Variants in PLAC9 observed in about 807,000 individuals in gnomAD.
PLAC9 encodes placenta associated 9, also known as placenta-specific protein 9.
A neutral mutation model predicts 11.5 loss-of-function variants in PLAC9; 12 were observed. That is an observed-to-expected ratio of 1.05 (90% CI 0.67 to 1.69). The LOEUF (loss-of-function observed/expected upper bound fraction) is 1.69, where lower values mean the gene tolerates loss of function less well. Among genes scored for constraint, PLAC9 ranks in the 40% most tolerant of loss-of-function variants. The probability of loss-of-function intolerance (pLI) is 0.00; values close to 1 mark genes in which losing one functional copy is unlikely to be tolerated. For missense variants in PLAC9, 132 were observed against 130.5 expected (o/e 1.01, Z -0.06); for synonymous variants, 62 against 58.1 (o/e 1.07, Z -0.31).
intron 1 of PLAC9, among the ~76,000 whole-genome samples, chr10:80,140,463 C>T (rs1392691366): frequency 2.0e-5 from 3 of 152,194 alleles, no homozygotes; most frequent in African/African-American, 7.2e-5. Context: ...CTCTCCGCTG[C>T]TTTCGGCCCT....
At chr10:80,137,274 G>A (rs532582870) in intron 1 of PLAC9, among the ~76,000 whole-genome samples, 6 of 152,196 alleles carry the variant, frequency 3.9e-5, no homozygotes, top group African/African-American at 7.2e-5. Context: ...TCACAGACAC[G>A]TAGAGAACAG....
At chr10:80,135,897 G>A (rs866190405) in intron 1 of PLAC9, among the ~76,000 whole-genome samples, 1 of 152,076 alleles carries the variant, frequency 6.6e-6, no homozygotes, top group Admixed American at 6.6e-5. Context: ...CCCCCAAGTG[G>A]CCAGGGTTGC....
chr10:80,135,984 TCAACCC>T (rs1844971047), intron 1 of PLAC9, among the ~76,000 whole-genome samples: 1 of 152,204 alleles, frequency 6.6e-6, no homozygotes, highest in Admixed American at 6.5e-5. Context: ...AAAACATTTC[TCAACCC>T]CCAGCATGCA....
upstream of PLAC9, among the ~76,000 whole-genome samples, chr10:80,132,324 A>G (rs890317517): frequency 1.3e-5 from 2 of 152,218 alleles, no homozygotes; most frequent in African/African-American, 4.8e-5. Flanking sequence ...ACAGGGGTTC[A>G]GATCCTGTGC....
chr10:80,141,098 G>T (rs769782878), intron 1 of PLAC9, among the ~76,000 whole-genome samples: 1 of 152,056 alleles, frequency 6.6e-6, no homozygotes, highest in African/African-American at 2.4e-5. Flanking sequence ...TGTTACTAAC[G>T]GGTTCCCAGT....
chr10:80,135,493 T>C (rs1844965381), intron 1 of PLAC9, among the ~76,000 whole-genome samples: 2 of 151,844 alleles, frequency 1.3e-5, no homozygotes, highest in Non-Finnish European at 2.9e-5. Context: ...ACCCAGCTAA[T>C]TTTTGCATTT....
chr10:80,136,802 C>T (rs955477835), intron 1 of PLAC9, among the ~76,000 whole-genome samples: 2 of 152,104 alleles, frequency 1.3e-5, no homozygotes, highest in Admixed American at 6.6e-5. Flanking sequence ...TGTGAACCAC[C>T]GAGCCCAGCT....
intron 3 of PLAC9, 144 bp from the exon 4 acceptor site, chr10:80,144,756 C>A: frequency 1.2e-6 from 1 of 849,942 alleles, no homozygotes; most frequent in Non-Finnish European, 1.8e-6. Context: ...TGGGGTTGCA[C>A]TCTGCTCTCT....
At chr10:80,133,478 C>T (rs1188987374) in intron 1 of PLAC9, among the ~76,000 whole-genome samples, 1 of 152,194 alleles carries the variant, frequency 6.6e-6, no homozygotes, top group African/African-American at 2.4e-5. Context: ...CAGTCGGGCC[C>T]AGGAGAAAGG....
In PLAC9 at chr10:80,143,050, A is replaced by AC; in HGVS notation, c.162+871_162+872insC. Among the ~76,000 whole-genome samples, 5 of 150,020 alleles carry AC rather than the reference A, an allele frequency of 3.3e-5. 1 individual carries two copies. The Middle Eastern group carries it at 0.017, about 514-fold the overall frequency. ...TACATATATTACATCAAAAATTTAA[A>AC]TTTTTTTTTGACAGAGTCTTGCCCT... On this transcript the variant is annotated intron_variant, in intron 2 of 3. Coordinates refer to ENST00000372263, the MANE Select transcript of PLAC9 (RefSeq NM_001012973.3).
intron 1 of PLAC9, among the ~76,000 whole-genome samples, chr10:80,135,325 T>C (rs984330823): frequency 8.1e-5 from 9 of 111,796 alleles, no homozygotes; most frequent in Admixed American, 2.3e-4. Context: ...CCCGGCCTTT[T>C]TTTTTTTTTT....
At position 80,144,208 on chromosome 10, in the gene PLAC9, C is replaced by T. The variant is rs1845073203; in HGVS notation, c.163-15C>T. The T allele has an allele frequency of 6.2e-7, 1 of 1,614,126 alleles. No homozygotes were observed. Among genetic ancestry groups the T allele is most frequent in the Non-Finnish European group, 8.5e-7 (1 of 1,180,010 alleles). On this transcript the variant is annotated splice_polypyrimidine_tract_variant and intron_variant, in intron 2 of 3. Transcript: ENST00000372263. ...ACCACTTCTGTCCTCGACTTTACCC[C>T]ACTTCCCACTCTAGATGGTAGAGAA...
chr10:80,136,337 A>G (rs1441601246), intron 1 of PLAC9, among the ~76,000 whole-genome samples: 4 of 152,130 alleles, frequency 2.6e-5, no homozygotes, highest in African/African-American at 9.7e-5. Flanking sequence ...GGAGGAAAGG[A>G]AGGAAGGGAG....
chr10:80,137,208 A>G (rs1310478547), intron 1 of PLAC9, among the ~76,000 whole-genome samples: 1 of 152,286 alleles, frequency 6.6e-6, no homozygotes, highest in South Asian at 2.1e-4. Flanking sequence ...CCATGTTGGG[A>G]GCGACCTCAG....
chr10:80,138,027 C>A (rs953191615), intron 1 of PLAC9, among the ~76,000 whole-genome samples: 1 of 151,960 alleles, frequency 6.6e-6, no homozygotes, highest in East Asian at 1.9e-4. Context: ...CCCCCAGGGG[C>A]CTCTCTCTCT....
At chr10:80,142,427 G>A (rs1845051274) in intron 2 of PLAC9, among the ~76,000 whole-genome samples, 1 of 152,104 alleles carries the variant, frequency 6.6e-6, no homozygotes, top group African/African-American at 2.4e-5. Flanking sequence ...ATGGGAAGGT[G>A]GAAATTCAGT....
intron 1 of PLAC9, among the ~76,000 whole-genome samples, chr10:80,134,979 AGCACGTCC>A (rs563587751): frequency 1.4e-3 from 205 of 151,814 alleles, no homozygotes; most frequent in African/African-American, 4.6e-3. Flanking sequence ...AGCTATCTCT[AGCACGTCC>A]AACTTCCAAC....
intron 1 of PLAC9, among the ~76,000 whole-genome samples, chr10:80,140,242 A>T (rs1372824695): frequency 6.6e-6 from 1 of 152,030 alleles, no homozygotes; most frequent in Non-Finnish European, 1.5e-5. Context: ...GACAACCATA[A>T]ATACTCCTCT....
chr10:80,132,632 G>A (rs1204371237), upstream of PLAC9: 3 of 696,414 alleles, frequency 4.3e-6, no homozygotes, highest in Non-Finnish European at 4.3e-6. Context: ...GGGTTCTCTC[G>A]AGCCAGAAAG....
Sources: gnomAD v4.1 joint callset for allele counts (sites outside exome capture counted in the v4.1 genomes callset) on GRCh38, gnomAD v4.1.1 for gene constraint, MANE v1.5 for transcripts, NCBI Gene and HGNC (gene_info 2026-07-23, HGNC 2026-07-21) for gene names.